The following PRDM10 variants were observed in gnomAD, a reference collection of about 807,000 sequenced individuals.
The protein encoded by PRDM10 is PR domain zinc finger protein 10.
In PRDM10, 65 loss-of-function variants were observed where a neutral mutation model predicts 133.1. The observed-to-expected ratio is 0.49, with a 90% CI of 0.40 to 0.60. PRDM10 has a LOEUF of 0.60. Among genes scored for constraint, PRDM10 ranks in the 20% least tolerant of loss-of-function variants. The probability of loss-of-function intolerance (pLI) is 0.00; values close to 1 mark genes in which losing one functional copy is unlikely to be tolerated. For synonymous variants in PRDM10, 582 were observed against 580.4 expected (o/e 1.00, Z -0.04); for missense variants, 1,137 against 1,507.1 (o/e 0.75, Z 4.07).
At chr11:129,985,081 G>A (rs1184363740) in intron 1 of PRDM10, among the ~76,000 whole-genome samples, 2 of 152,184 alleles carry the variant, frequency 1.3e-5, no homozygotes, top group Non-Finnish European at 2.9e-5. Context: ...GAGCTGATGA[G>A]GGAGTGTCCC....
intron 2 of PRDM10, among the ~76,000 whole-genome samples, chr11:129,958,844 C>A (rs1392898449): frequency 6.6e-6 from 1 of 152,062 alleles, no homozygotes; most frequent in Non-Finnish European, 1.5e-5. Context: ...CAGCTGTCAC[C>A]AGGGTAAATA....
At position 129,925,189 on chromosome 11, in the gene PRDM10, C is replaced by T; in HGVS notation, c.1571G>A (p.Arg524Gln). The change falls in exon 12 of 21, where the codon CGG becomes CAG. Residue 524 changes from arginine to glutamine, a missense_variant. Physicochemically the swap from Arg to Gln is conservative, Grantham distance 43. Around this residue, in one of 6 missense-constraint regions of PRDM10, gnomAD observed 635 missense variants for 835.2 expected, o/e 0.76. Transcript: ENST00000360871. ...LQHLFIRKSF[R>Q]PFKCLQCGKA... ...CCCACACTGCAAGCATTTAAAAGGC[C>T]GGAAGGACTTCCGAATAAACAGATG... 6.2e-7 allele frequency: 1 copy of T among 1,613,350 alleles called. No individual in the cohort carries two copies. The highest frequency in any genetic ancestry group is 8.5e-7 in the Non-Finnish European group (1 of 1,179,728).
At chr11:130,000,657 C>A (rs1050819077) in intron 1 of PRDM10, among the ~76,000 whole-genome samples, 3 of 152,104 alleles carry the variant, frequency 2.0e-5, no homozygotes, top group African/African-American at 7.2e-5. Flanking sequence ...CCTTGCAAAA[C>A]GAGGAACAGC....
intron 4 of PRDM10, among the ~76,000 whole-genome samples, chr11:129,953,189 G>A (rs896004663): frequency 6.6e-6 from 1 of 152,034 alleles, no homozygotes; most frequent in Non-Finnish European, 1.5e-5. Context: ...TGTTGGCCAG[G>A]CTGGTATCAA....
At chr11:129,946,687 A>G (rs1460433710) in intron 5 of PRDM10, among the ~76,000 whole-genome samples, 1 of 152,184 alleles carries the variant, frequency 6.6e-6, no homozygotes, top group East Asian at 1.9e-4. Flanking sequence ...TGGAGGGCAT[A>G]AAGGAGGTAG....
chr11:129,981,957 TA>T (rs58421971), intron 1 of PRDM10, among the ~76,000 whole-genome samples: 1 of 151,922 alleles, frequency 6.6e-6, no homozygotes, highest in Non-Finnish European at 1.5e-5. Flanking sequence ...TTTATCCTCA[TA>T]AAAAAATTAT....
At chr11:129,975,222 T>A (rs1937691641) in intron 1 of PRDM10, among the ~76,000 whole-genome samples, 1 of 151,856 alleles carries the variant, frequency 6.6e-6, no homozygotes, top group African/African-American at 2.4e-5. Flanking sequence ...AGGTCAGGAG[T>A]TCGAGACCAG....
chr11:129,963,382 G>GAAGAGA (rs745688148), intron 1 of PRDM10, among the ~76,000 whole-genome samples: 1 of 74,586 alleles, frequency 1.3e-5, no homozygotes. Context: ...AAAGAAAAAA[G>GAAGAGA]AGAGAAGAGA....
Position 129,947,412 on chromosome 11 carries a change from C to A in PRDM10, c.295-42G>T, listed in dbSNP as rs1375755198. ...GGCACAGAGTAAGCAGACATGGACA[C>A]CTGCTTTTGGTTCGCTGGTGCCTGC... On this transcript the variant is annotated intron_variant, in intron 4 of 20. Coordinates refer to ENST00000360871, the MANE Select transcript of PRDM10 (RefSeq NM_199437.2). The surrounding 1 kb of genome is among the most constrained non-coding windows in gnomAD (Gnocchi z 4.6). 6.2e-7 allele frequency: 1 copy of A among 1,608,028 alleles called. No homozygotes were observed. Among genetic ancestry groups the A allele is most frequent in the South Asian group, 1.1e-5 (1 of 90,970 alleles).
chr11:129,996,861 T>C (rs1311370565), intron 1 of PRDM10, among the ~76,000 whole-genome samples: 1 of 152,220 alleles, frequency 6.6e-6, no homozygotes, highest in Non-Finnish European at 1.5e-5. Context: ...TTAACAGGCA[T>C]CCTCACTTGG....
At position 129,918,661 on chromosome 11, in the gene PRDM10, T is replaced by C. The variant is rs1196632194; in HGVS notation, c.2092A>G (p.Lys698Glu). 6.2e-7 allele frequency: 1 copy of C among 1,614,092 alleles called. No individual in the cohort carries two copies. Among genetic ancestry groups the C allele is most frequent in the Non-Finnish European group, 8.5e-7 (1 of 1,180,028 alleles). ...QRMHNPEREA[K>E]KADRISRSKT... Reference sequence around the variant, plus strand: ...GAGCGGCTGATGCGGTCGGCTTTCTTGGCCTCCCTCTCAGGATTATGCATC... The same window carrying C: ...GAGCGGCTGATGCGGTCGGCTTTCTCGGCCTCCCTCTCAGGATTATGCATC... Residue 698 changes from lysine (K) to glutamate (E), a missense_variant, in exon 14 of 21, where the codon AAG becomes GAG. Physicochemically the swap from Lys to Glu is moderately conservative, Grantham distance 56 (BLOSUM62 1). Transcript: ENST00000360871. The surrounding 1 kb of genome is among the most constrained non-coding windows in gnomAD (Gnocchi z 5.3).
At chr11:129,951,357 C>T (rs1050079690) in intron 4 of PRDM10, among the ~76,000 whole-genome samples, 2 of 152,108 alleles carry the variant, frequency 1.3e-5, no homozygotes, top group Non-Finnish European at 2.9e-5. Flanking sequence ...GCAGCAGAAG[C>T]GGTAAACGTC....
chr11:129,982,876 A>C (rs1045518077), intron 1 of PRDM10, among the ~76,000 whole-genome samples: 1 of 152,126 alleles, frequency 6.6e-6, no homozygotes, highest in Non-Finnish European at 1.5e-5. Context: ...TGGGAGGATC[A>C]CTTGTGCCTC....
intron 1 of PRDM10, among the ~76,000 whole-genome samples, chr11:129,980,045 A>G (rs1216983466): frequency 1.3e-5 from 2 of 152,240 alleles, no homozygotes; most frequent in Non-Finnish European, 1.5e-5. Context: ...AAAAAGTCAC[A>G]TAAGTGTGGC....
intron 1 of PRDM10, among the ~76,000 whole-genome samples, chr11:129,995,136 T>C (rs184728258): frequency 2.0e-5 from 3 of 152,346 alleles, no homozygotes; most frequent in Non-Finnish European, 4.4e-5. Context: ...ATATTACCAT[T>C]CATGGGTCCT....
At position 129,910,588 on chromosome 11, in the gene PRDM10, C is replaced by T; in HGVS notation, c.3051G>A (p.Gln1017=). 1 of 1,613,912 alleles carries T rather than the reference C, an allele frequency of 6.2e-7. No individual in the cohort carries two copies. Residue 1017 remains glutamine, a synonymous_variant, in exon 19 of 21, where the codon CAG becomes CAA. Transcript: ENST00000360871. The part of the protein sequence containing the change: ...AQQGLSPSHI[Q]GSSSTQGQAL... ...CCTGCCCCTGTGTGGAAGAACTGCC[C>T]TGGATGTGGGAGGGGCTGAGCCCCT...
intron 8 of PRDM10, among the ~76,000 whole-genome samples, chr11:129,935,988 T>G (rs1951016891): frequency 6.6e-6 from 1 of 152,156 alleles, no homozygotes; most frequent in South Asian, 2.1e-4. Context: ...AACCTTGTAA[T>G]TAGAAATGTG....
At chr11:129,935,265 C>G (rs779226387) in intron 8 of PRDM10, 47 bp from the exon 9 acceptor site, 11 of 1,415,102 alleles carry the variant, frequency 7.8e-6, no homozygotes, top group South Asian at 1.2e-5. Flanking sequence ...CCAATAGACA[C>G]CAGTAAAACT....
intron 1 of PRDM10, among the ~76,000 whole-genome samples, chr11:129,995,306 T>C (rs1449549834): frequency 6.6e-6 from 1 of 152,128 alleles, no homozygotes; most frequent in Non-Finnish European, 1.5e-5. Context: ...ACAGACCCTT[T>C]TCTCCCATGC....
Sources: gnomAD v4.1 joint callset for allele counts (sites outside exome capture counted in the v4.1 genomes callset) on GRCh38, gnomAD v4.1.1 for gene constraint, gnomAD v4.1.1 regional missense constraint, Gnocchi (gnomAD v3.1) non-coding constraint, MANE v1.5 for transcripts, NCBI Gene and HGNC (gene_info 2026-07-23, HGNC 2026-07-21) for gene names.